The following TRPM3 variants were observed in gnomAD, a reference collection of about 807,000 sequenced individuals.
TRPM3 encodes transient receptor potential cation channel subfamily M member 3, also known as long transient receptor potential channel 3.
In TRPM3, 77 loss-of-function variants were observed where a neutral mutation model predicts 181.2. That is an observed-to-expected ratio of 0.42 (90% CI 0.35 to 0.51). TRPM3 has a LOEUF of 0.51. Ranked by LOEUF, TRPM3 falls within the 20% of genes least tolerant of loss-of-function variation. The pLI is 0.01. For synonymous variants in TRPM3, 745 were observed against 796.4 expected (o/e 0.94, Z 1.09); for missense variants, 1,759 against 2,196.7 (o/e 0.80, Z 3.98).
chr9:70,668,218 C>T (rs909977412), intron 9 of TRPM3, among the ~76,000 whole-genome samples: 1 of 152,080 alleles, frequency 6.6e-6, no homozygotes, highest in African/African-American at 2.4e-5. Flanking sequence ...ACTGGGTTCA[C>T]GTATAGATTC....
intron 1 of TRPM3, among the ~76,000 whole-genome samples, chr9:70,881,264 A>G (rs2095986783): frequency 6.6e-6 from 1 of 152,130 alleles, no homozygotes; most frequent in African/African-American, 2.4e-5. Context: ...TCTTTTTATC[A>G]TAATAGGTGG....
intron 1 of TRPM3, chr9:71,446,591 C>A: frequency 6.6e-7 from 1 of 1,508,004 alleles, no homozygotes; most frequent in Non-Finnish European, 8.9e-7. Flanking sequence ...ATGGAAAGGG[C>A]TCAAGTCGCG....
At chr9:70,668,785 A>T (rs1261632158) in intron 9 of TRPM3, among the ~76,000 whole-genome samples, 2 of 152,088 alleles carry the variant, frequency 1.3e-5, no homozygotes, top group African/African-American at 4.8e-5. Context: ...CAGGAGGAAC[A>T]TACTTTTATT....
intron 7 of TRPM3, among the ~76,000 whole-genome samples, chr9:70,762,385 A>G (rs1239703497): frequency 1.3e-5 from 2 of 152,214 alleles, no homozygotes; most frequent in African/African-American, 4.8e-5. Context: ...TGAAAACAGG[A>G]AAGAGGCATC....
chr9:71,123,078 C>T (rs1032173375), upstream of TRPM3, among the ~76,000 whole-genome samples: 1 of 152,150 alleles, frequency 6.6e-6, no homozygotes, highest in Non-Finnish European at 1.5e-5. Flanking sequence ...AAATTAGTAA[C>T]AAGTCTAACA....
chr9:71,175,931 T>A (rs2077084452), intron 1 of TRPM3, among the ~76,000 whole-genome samples: 1 of 152,156 alleles, frequency 6.6e-6, no homozygotes, highest in Admixed American at 6.6e-5. Flanking sequence ...AAATTTTCTA[T>A]CACTTAGTGA....
intron 1 of TRPM3, among the ~76,000 whole-genome samples, chr9:71,322,732 TTTGG>T (rs1488551241): frequency 6.6e-6 from 1 of 152,148 alleles, no homozygotes; most frequent in Non-Finnish European, 1.5e-5. Context: ...AGTTGATATT[TTTGG>T]TTGATCTCTA....
chr9:70,943,105 C>T (rs1393649401), intron 1 of TRPM3, among the ~76,000 whole-genome samples: 3 of 151,892 alleles, frequency 2.0e-5, no homozygotes, highest in African/African-American at 7.3e-5. Flanking sequence ...TTGTGTGACA[C>T]ATGGTGTCCT....
intron 8 of TRPM3, among the ~76,000 whole-genome samples, chr9:70,695,710 G>C (rs7854781): frequency 6.6e-6 from 1 of 152,018 alleles, no homozygotes; most frequent in African/African-American, 2.4e-5. Flanking sequence ...GTGTACTTAC[G>C]ACATGCTAAA....
intron 8 of TRPM3, among the ~76,000 whole-genome samples, chr9:70,752,052 G>A (rs1286268868): frequency 7.6e-5 from 4 of 52,724 alleles, no homozygotes; most frequent in Admixed American, 1.7e-4. Context: ...GTGTGTGTGC[G>A]CGCGCGCGCG....
intron 1 of TRPM3, among the ~76,000 whole-genome samples, chr9:70,917,934 A>C (rs2096617800): frequency 6.6e-6 from 1 of 152,164 alleles, no homozygotes. Flanking sequence ...ACACAGACTA[A>C]AAATAAAGGG....
At chr9:71,368,835 T>C (rs1028876198) in intron 1 of TRPM3, among the ~76,000 whole-genome samples, 1 of 152,170 alleles carries the variant, frequency 6.6e-6, no homozygotes. Context: ...CAACTTGTAA[T>C]AAATATTGGA....
intron 19 of TRPM3, among the ~76,000 whole-genome samples, chr9:70,606,604 A>G (rs1180669995): frequency 1.3e-5 from 2 of 150,412 alleles, no homozygotes; most frequent in African/African-American, 2.5e-5. Flanking sequence ...CTTGCTGTAG[A>G]TTATCTTGAC....
intron 1 of TRPM3, among the ~76,000 whole-genome samples, chr9:71,235,460 A>C (rs2081303668): frequency 6.6e-6 from 1 of 152,228 alleles, no homozygotes; most frequent in East Asian, 1.9e-4. Context: ...TGCCTAGTAC[A>C]TACTGGGTAA....
intron 1 of TRPM3, among the ~76,000 whole-genome samples, chr9:71,256,763 C>G (rs1003176403): frequency 6.6e-6 from 1 of 152,026 alleles, no homozygotes; most frequent in African/African-American, 2.4e-5. Flanking sequence ...AGGGTGATAG[C>G]AGGAGGCCCT....
intron 1 of TRPM3, among the ~76,000 whole-genome samples, chr9:71,349,866 A>G (rs1031066590): frequency 6.6e-6 from 1 of 151,866 alleles, no homozygotes; most frequent in Non-Finnish European, 1.5e-5. Context: ...AAGAAAAGTG[A>G]TAACATGGAA....
intron 1 of TRPM3, among the ~76,000 whole-genome samples, chr9:71,060,998 C>T (rs533233348): frequency 6.6e-6 from 1 of 152,142 alleles, no homozygotes; most frequent in Non-Finnish European, 1.5e-5. Flanking sequence ...AAAAGTGGGT[C>T]TTTATATCAT....
At chr9:71,042,298 G>C (rs1051743890) in intron 1 of TRPM3, among the ~76,000 whole-genome samples, 1 of 152,060 alleles carries the variant, frequency 6.6e-6, no homozygotes, top group African/African-American at 2.4e-5. Context: ...GTGCTAATTT[G>C]TGTTGCTTTT....
upstream of TRPM3, among the ~76,000 whole-genome samples, chr9:71,125,827 G>A (rs546679965): frequency 3.3e-5 from 5 of 152,116 alleles, no homozygotes; most frequent in East Asian, 3.9e-4. Flanking sequence ...ATTTCATGAC[G>A]AACATGTCAA....
Sources: gnomAD v4.1 joint callset for allele counts (sites outside exome capture counted in the v4.1 genomes callset) on GRCh38, gnomAD v4.1.1 for gene constraint, MANE v1.5 for transcripts, NCBI Gene and HGNC (gene_info 2026-07-23, HGNC 2026-07-21) for gene names.